The following TBX15 variants were observed in gnomAD, a reference collection of about 807,000 sequenced individuals.
TBX15 encodes T-box transcription factor 15, also known as T-box transcription factor TBX15.
TBX15 carries 18 observed loss-of-function variants against 53.9 expected under a neutral mutation model. The observed-to-expected ratio is 0.33, with a 90% CI of 0.23 to 0.49. The LOEUF is 0.49. TBX15 is among the 20% of genes least tolerant of loss of function. The pLI, the probability that TBX15 is intolerant of heterozygous loss-of-function variation, is 0.98. For missense variants in TBX15, 692 were observed against 749.5 expected, an observed-to-expected ratio of 0.92 and a Z score of 0.90; for synonymous variants, 295 against 278.0, an observed-to-expected ratio of 1.06 and a Z score of -0.61.
intron 6 of TBX15, among the ~76,000 whole-genome samples, chr1:118,912,525 C>T (rs1655057838): frequency 6.6e-6 from 1 of 152,104 alleles, no homozygotes; most frequent in South Asian, 2.1e-4. Context: ...AGAATCACCA[C>T]CAAGACAGGT....
chr1:118,890,814 A>G, intron 7 of TBX15: 1 of 1,174,796 alleles, frequency 8.5e-7, no homozygotes, highest in Non-Finnish European at 1.1e-6. Flanking sequence ...ATTGAAAAAC[A>G]GTAAGGCAAA....
chr1:118,987,887 G>A lies in TBX15; in HGVS notation c.-92C>T. 6.7e-7 allele frequency: 1 copy of A among 1,483,002 alleles called. No homozygotes were observed. The highest frequency in any genetic ancestry group is 9.1e-7 in the Non-Finnish European group (1 of 1,103,368). The allele number at this position is 1,483,002 out of a possible 1,614,324, so 91.9% of individuals were successfully genotyped here. A position where few individuals can be genotyped will look rare whatever the true frequency, so the allele number is the denominator to read the frequency against. ...TCTGAGCGCCCACCGGGCCCGGCCC[G>A]GGAGAGGCGGAGGCGCGTCGGACGA... On this transcript the variant is annotated 5_prime_UTR_variant, in exon 1 of 8. Coordinates refer to ENST00000369429, the MANE Select transcript of TBX15 (RefSeq NM_001330677.2).
chr1:118,894,460 G>A (rs1371040480), intron 7 of TBX15, among the ~76,000 whole-genome samples: 1 of 152,146 alleles, frequency 6.6e-6, no homozygotes, highest in Non-Finnish European at 1.5e-5. Context: ...TAAGCAGACT[G>A]GAGATAGAAG....
rs777366642 is a variant in TBX15 at position 118,899,122 on chromosome 1, A to G, written c.930T>C (p.Thr310=). The change falls in exon 7 of 8, where the codon ACT becomes ACC. Residue 310 remains threonine (T), a synonymous_variant. Coordinates refer to ENST00000369429, the MANE Select transcript of TBX15 (RefSeq NM_001330677.2). Reference sequence around the variant, plus strand: ...ATGTCTCCATGATGGCTTCAAGTCCAGTTCTGACAAGAGAAAAGCCAGCAA... The same window carrying G: ...ATGTCTCCATGATGGCTTCAAGTCCGGTTCTGACAAGAGAAAAGCCAGCAA... ...KGFRDSGRNR[T]GLEAIMETYA... 6.2e-7 allele frequency: 1 copy of G among 1,613,290 alleles called. No homozygotes were observed. Among genetic ancestry groups the G allele is most frequent in the African/African-American group, 1.3e-5 (1 of 74,900 alleles).
At chr1:118,950,510 A>G (rs1656480598) in intron 1 of TBX15, among the ~76,000 whole-genome samples, 2 of 152,250 alleles carry the variant, frequency 1.3e-5, no homozygotes, top group South Asian at 2.1e-4. Context: ...GGACCATTAA[A>G]GTATCTCCCA....
chr1:118,956,044 C>T (rs6663040), intron 1 of TBX15, among the ~76,000 whole-genome samples: 48,422 of 151,938 alleles, frequency 0.32, 8,894 homozygotes, highest in East Asian at 0.57. Flanking sequence ...AAAGTGACCT[C>T]GCCCCTTCTA....
intron 1 of TBX15, among the ~76,000 whole-genome samples, chr1:118,965,372 C>T (rs1044924312): frequency 6.6e-6 from 1 of 152,158 alleles, no homozygotes; most frequent in Non-Finnish European, 1.5e-5. Context: ...AATCAATTTG[C>T]AAGCATTATA....
intron 1 of TBX15, among the ~76,000 whole-genome samples, chr1:118,967,677 C>T (rs912592978): frequency 2.6e-5 from 4 of 152,168 alleles, no homozygotes; most frequent in South Asian, 2.1e-4. Context: ...GTGTTTTATT[C>T]GATTTGGTGT....
At chr1:118,906,949 T>C (rs976077038) in intron 6 of TBX15, among the ~76,000 whole-genome samples, 3 of 152,222 alleles carry the variant, frequency 2.0e-5, no homozygotes, top group African/African-American at 7.2e-5. Flanking sequence ...CTTACCCATA[T>C]AAAACAACTT....
intron 1 of TBX15, among the ~76,000 whole-genome samples, chr1:118,964,950 G>GTGTT (rs1249513194): frequency 6.6e-6 from 1 of 152,226 alleles, no homozygotes; most frequent in African/African-American, 2.4e-5. Context: ...TTGTAACAGG[G>GTGTT]TGTTCATTTC....
intron 1 of TBX15, among the ~76,000 whole-genome samples, chr1:118,952,826 A>G (rs1656562019): frequency 6.6e-6 from 1 of 152,198 alleles, no homozygotes; most frequent in Non-Finnish European, 1.5e-5. Flanking sequence ...GAAATCAAGT[A>G]TTTATTTTAC....
chr1:118,923,407 G>A, intron 5 of TBX15, 29 bp downstream of exon 5: 3 of 1,613,348 alleles, frequency 1.9e-6, no homozygotes, highest in Non-Finnish European at 2.5e-6. Flanking sequence ...AACAGATGTA[G>A]CAGAAGACTC....
At chr1:118,898,961 A>G (rs1023390593) in intron 7 of TBX15, 67 bp downstream of exon 7, 69 of 1,504,906 alleles carry the variant, frequency 4.6e-5, no homozygotes, top group South Asian at 1.7e-4. Context: ...GATGTGCTAT[A>G]TTCGGTTGAG....
chr1:118,943,127 G>T (rs567965112), intron 1 of TBX15, among the ~76,000 whole-genome samples: 1 of 152,266 alleles, frequency 6.6e-6, no homozygotes, highest in African/African-American at 2.4e-5. Context: ...GAAGCCCCTG[G>T]CGCACAATAG....
intron 1 of TBX15, among the ~76,000 whole-genome samples, chr1:118,965,993 T>C (rs962865988): frequency 2.6e-5 from 4 of 152,224 alleles, no homozygotes; most frequent in African/African-American, 4.8e-5. Flanking sequence ...AAACTAGGGA[T>C]GGGAGATTGC....
intron 1 of TBX15, among the ~76,000 whole-genome samples, chr1:118,976,870 G>A (rs138850440): frequency 2.0e-5 from 3 of 152,308 alleles, no homozygotes; most frequent in African/African-American, 7.2e-5. Flanking sequence ...AAGAATGGGG[G>A]AGAGGGGCAA....
intron 1 of TBX15, among the ~76,000 whole-genome samples, chr1:118,944,714 C>T (rs770939918): frequency 1.3e-4 from 20 of 152,192 alleles, no homozygotes; most frequent in African/African-American, 4.8e-4. Flanking sequence ...ACTTTGAGCC[C>T]AGGGGCCATG....
intron 7 of TBX15, among the ~76,000 whole-genome samples, chr1:118,886,624 A>C (rs1411942768): frequency 6.6e-6 from 1 of 152,166 alleles, no homozygotes; most frequent in East Asian, 1.9e-4. Flanking sequence ...TTAAGAACCA[A>C]TCATACAACC....
intron 1 of TBX15, among the ~76,000 whole-genome samples, chr1:118,975,495 T>C (rs1657393744): frequency 6.6e-6 from 1 of 152,240 alleles, no homozygotes; most frequent in South Asian, 2.1e-4. Context: ...AAGCATCATC[T>C]ACAGGGCAGG....
Sources: gnomAD v4.1 joint callset for allele counts (sites outside exome capture counted in the v4.1 genomes callset) on GRCh38, gnomAD v4.1.1 for gene constraint, MANE v1.5 for transcripts, NCBI Gene and HGNC (gene_info 2026-07-23, HGNC 2026-07-21) for gene names.